Variants in RFC1 observed in about 807,000 individuals in gnomAD.
RFC1 encodes the protein A1 140 kDa subunit.
Under a neutral mutation model 137.4 loss-of-function variants are expected in RFC1, and 37 were observed. That is an observed-to-expected ratio of 0.27 (90% CI 0.21 to 0.35). RFC1 has a LOEUF of 0.35. Ranked by LOEUF, RFC1 falls within the 10% of genes least tolerant of loss-of-function variation. RFC1 has a pLI of 1.00. For missense variants in RFC1, 1,205 were observed against 1,358.5 expected, an observed-to-expected ratio of 0.89 and a Z score of 1.78; for synonymous variants, 429 against 455.7, an observed-to-expected ratio of 0.94 and a Z score of 0.75.
At chr4:39,341,395 CA>C in intron 4 of RFC1, 1 of 348,982 alleles carries the variant, frequency 2.9e-6, no homozygotes, top group South Asian at 2.2e-5. Context: ...AGCAACAGCA[CA>C]AAAAGGTTAA....
At chr4:39,329,324 G>A (rs1286682731) in intron 4 of RFC1, among the ~76,000 whole-genome samples, 1 of 151,568 alleles carries the variant, frequency 6.6e-6, no homozygotes, top group East Asian at 1.9e-4. Flanking sequence ...AACATAATGA[G>A]ACTCCATCTC....
chr4:39,293,896 G>A (rs924275684), intron 22 of RFC1, among the ~76,000 whole-genome samples: 1 of 152,162 alleles, frequency 6.6e-6, no homozygotes, highest in Non-Finnish European at 1.5e-5. Flanking sequence ...AGAGCCATGG[G>A]GAAAGCAGAC....
At chr4:39,307,735 C>CAAAAA (rs5857671) in intron 13 of RFC1, among the ~76,000 whole-genome samples, 10 of 148,304 alleles carry the variant, frequency 6.7e-5, no homozygotes, top group African/African-American at 2.2e-4. Context: ...CAAAACAAAA[C>CAAAAA]AAAAAAAAAA....
intron 22 of RFC1, among the ~76,000 whole-genome samples, chr4:39,293,300 A>G (rs1469854312): frequency 5.3e-5 from 8 of 152,234 alleles, no homozygotes. Context: ...TTACAGTATC[A>G]TCATCTTCTA....
chr4:39,296,042 G>A (rs532653186), intron 21 of RFC1: 48 of 276,666 alleles, frequency 1.7e-4, no homozygotes, highest in Non-Finnish European at 2.8e-4. Context: ...TCAACATACC[G>A]GTTACCTCAC....
At chr4:39,357,157 G>T (rs1741517428) in intron 1 of RFC1, among the ~76,000 whole-genome samples, 1 of 152,062 alleles carries the variant, frequency 6.6e-6, no homozygotes, top group South Asian at 2.1e-4. Flanking sequence ...AGAAAAGAAA[G>T]AACAGAAGAA....
At chr4:39,365,328 A>G in intron 1 of RFC1, 1 of 262,592 alleles carries the variant, frequency 3.8e-6, no homozygotes, top group Non-Finnish European at 5.9e-6. Context: ...CCCCCCCAGA[A>G]TGTTGTCACT....
intron 1 of RFC1, among the ~76,000 whole-genome samples, chr4:39,360,431 C>CAGCAGCGGTTGGCT (rs1398117088): frequency 6.6e-6 from 1 of 151,706 alleles, no homozygotes; most frequent in Non-Finnish European, 1.5e-5. Context: ...TGAACCCAGG[C>CAGCAGCGGTTGGCT]AGCAGCGGTT....
At chr4:39,319,684 A>C (rs1739417259) in intron 9 of RFC1, among the ~76,000 whole-genome samples, 1 of 152,168 alleles carries the variant, frequency 6.6e-6, no homozygotes, top group Non-Finnish European at 1.5e-5. Context: ...GTCCCCCTTT[A>C]TCCGAGGAGG....
intron 1 of RFC1, 68 bp from the exon 2 acceptor site, chr4:39,351,544 G>T: frequency 7.3e-7 from 1 of 1,369,668 alleles, no homozygotes; most frequent in Non-Finnish European, 9.7e-7. Context: ...TCAATTGTAA[G>T]ATGGGACAGC....
chr4:39,302,201 T>G (rs1738393735), intron 19 of RFC1, 77 bp downstream of exon 19: 3 of 857,460 alleles, frequency 3.5e-6, no homozygotes. Flanking sequence ...CTATAATAAC[T>G]ACTTCTATCA....
rs533072244 is a variant in RFC1 at position 39,356,012 on chromosome 4, A to C, written c.4-4536T>G. The C allele has an allele frequency of 1.4e-4, 21 of 151,704 alleles. 1 individual carries two copies. The highest frequency in any genetic ancestry group is 4.1e-4 in the African/African-American group (17 of 41,316). 9.4% of individuals were successfully genotyped at this position (151,704 alleles called of 1,614,324 possible). On this transcript the variant is annotated intron_variant, in intron 1 of 24. Coordinates refer to ENST00000349703, the MANE Select transcript of RFC1 (RefSeq NM_002913.5). ...CGAGACTTCACCTCAAAAAAAAAAA[A>C]AAAAAACACTGGTATAACCTTTATG... is the stretch of plus-strand genomic sequence containing the variant.
In RFC1 at chr4:39,328,240, T is replaced by C. The variant is rs1237972519; in HGVS notation, c.332-484A>G. 2.0e-5 allele frequency among the ~76,000 whole-genome samples: 3 copies of C among 152,302 alleles called. No homozygotes were observed. In the East Asian group the frequency reaches 5.8e-4, roughly 29 times the overall value. On this transcript the variant is annotated intron_variant, in intron 4 of 24. Coordinates refer to ENST00000349703, the MANE Select transcript of RFC1 (RefSeq NM_002913.5). ...CCAGTGCCAGGCCTGTAATACGCTA[T>C]ATCCCCCAGTTACTACCAAGAGTAC...
At chr4:39,326,072 C>T (rs1578140302) in intron 6 of RFC1, among the ~76,000 whole-genome samples, 1 of 152,040 alleles carries the variant, frequency 6.6e-6, no homozygotes, top group African/African-American at 2.4e-5. Context: ...TAGTGGTGGG[C>T]GCCTGTAGTC....
chr4:39,333,181 TC>T (rs1435199696), intron 4 of RFC1, among the ~76,000 whole-genome samples: 1 of 152,310 alleles, frequency 6.6e-6, no homozygotes, highest in East Asian at 1.9e-4. Flanking sequence ...CTTAAGATTT[TC>T]CCCTTTACAA....
chr4:39,325,326 C>T (rs1054663399), intron 6 of RFC1, among the ~76,000 whole-genome samples: 1 of 152,198 alleles, frequency 6.6e-6, no homozygotes, highest in Non-Finnish European at 1.5e-5. Context: ...TGTTCTGCTT[C>T]CTGTGTTCCA....
intron 9 of RFC1, 118 bp downstream of exon 9, chr4:39,320,265 C>T: frequency 1.1e-6 from 1 of 893,768 alleles, no homozygotes; most frequent in Non-Finnish European, 1.6e-6. Flanking sequence ...AGGTGAGTTG[C>T]TTGAACCTGG....
chr4:39,351,323 G>C, intron 2 of RFC1, 25 bp downstream of exon 2: 1 of 1,244,328 alleles, frequency 8.0e-7, no homozygotes, highest in South Asian at 1.5e-5. Context: ...TTCATTCAAT[G>C]CAAAATTATA....
chr4:39,366,311 A>T lies in RFC1; in HGVS notation c.-70T>A. 6.9e-7 allele frequency: 1 copy of T among 1,449,760 alleles called. No homozygotes were observed. Among genetic ancestry groups the T allele is most frequent in the Non-Finnish European group, 9.1e-7 (1 of 1,094,366 alleles). 89.8% of individuals were successfully genotyped at this position (1,449,760 alleles called of 1,614,324 possible). A position where few individuals can be genotyped will look rare whatever the true frequency, so the allele number is the denominator to read the frequency against. ...GTTGAGGAATCTGTTATCGAGGCTC[A>T]GGATCCATTCGCGCCAACAACTTCT... is the stretch of plus-strand genomic sequence containing the variant. On this transcript the variant is annotated 5_prime_UTR_variant, in exon 1 of 25. Transcript: ENST00000349703.
Sources: allele counts gnomAD v4.1 joint callset (sites outside exome capture counted in the v4.1 genomes callset), GRCh38; gene constraint gnomAD v4.1.1; transcripts MANE v1.5; gene names NCBI Gene and HGNC (gene_info 2026-07-23, HGNC 2026-07-21).